TSHZ3: variants seen among roughly 807,000 people sequenced by gnomAD.
The protein encoded by TSHZ3 is teashirt homolog 3.
TSHZ3 carries 10 observed loss-of-function variants against 64.5 expected under a neutral mutation model. That is an observed-to-expected ratio of 0.16 (90% CI 0.10 to 0.26). The LOEUF (loss-of-function observed/expected upper bound fraction) is 0.26, where lower values mean the gene tolerates loss of function less well. TSHZ3 is among the 10% of genes least tolerant of loss of function. The probability of loss-of-function intolerance (pLI) is 1.00; values close to 1 mark genes in which losing one functional copy is unlikely to be tolerated. For synonymous variants in TSHZ3, 608 were observed against 593.1 expected, an observed-to-expected ratio of 1.03 and a Z score of -0.36; for missense variants, 1,242 against 1,421.7, an observed-to-expected ratio of 0.87 and a Z score of 2.03.
chr19:31,350,673 G>T (rs893001376), upstream of TSHZ3, among the ~76,000 whole-genome samples: 1 of 151,604 alleles, frequency 6.6e-6, no homozygotes, highest in South Asian at 2.1e-4. Context: ...CGGCAAGAAG[G>T]AGCTGGCTGG....
intron 1 of TSHZ3, among the ~76,000 whole-genome samples, chr19:31,315,714 G>C (rs41309439): frequency 6.6e-6 from 1 of 152,206 alleles, no homozygotes; most frequent in African/African-American, 2.4e-5. Flanking sequence ...GCAGTGCTCC[G>C]AGGCAATTTA....
chr19:31,232,552 T>G (rs1975554621), intron 3 of TSHZ3, among the ~76,000 whole-genome samples: 1 of 152,222 alleles, frequency 6.6e-6, no homozygotes, highest in Non-Finnish European at 1.5e-5. Context: ...ATCAACATTG[T>G]GCAGGTTTAG....
chr19:31,283,231 G>C (rs959375912), intron 1 of TSHZ3, among the ~76,000 whole-genome samples: 7 of 152,098 alleles, frequency 4.6e-5, no homozygotes, highest in African/African-American at 1.7e-4. Flanking sequence ...TTACTCCAGA[G>C]GCTGAGGCAG....
intron 1 of TSHZ3, among the ~76,000 whole-genome samples, chr19:31,260,877 AT>A (rs1975976106): frequency 6.6e-6 from 1 of 152,352 alleles, no homozygotes; most frequent in East Asian, 1.9e-4. Flanking sequence ...GTGAGAATCC[AT>A]TCACCACATG....
chr19:31,159,752 A>G (rs1324419360), intron 5 of TSHZ3, among the ~76,000 whole-genome samples: 3 of 152,032 alleles, frequency 2.0e-5, no homozygotes, highest in Non-Finnish European at 4.4e-5. Flanking sequence ...GAGTGCAACA[A>G]TACAATCATG....
At chr19:31,319,225 A>C (rs1274655556) in intron 1 of TSHZ3, among the ~76,000 whole-genome samples, 1 of 152,258 alleles carries the variant, frequency 6.6e-6, no homozygotes, top group East Asian at 1.9e-4. Flanking sequence ...CAGGCTATGA[A>C]TAGCACCTGC....
At chr19:31,245,591 C>T (rs1975749359) in intron 1 of TSHZ3, among the ~76,000 whole-genome samples, 1 of 152,340 alleles carries the variant, frequency 6.6e-6, no homozygotes, top group Admixed American at 6.5e-5. Flanking sequence ...CATCTGACAA[C>T]TGCACTATCA....
chr19:31,349,998 G>A (rs2021663010), upstream of TSHZ3, among the ~76,000 whole-genome samples: 1 of 147,294 alleles, frequency 6.8e-6, no homozygotes, highest in Admixed American at 6.7e-5. Context: ...ACACGCGGGG[G>A]CGCGGCGCCA....
At chr19:31,271,908 G>A (rs1332175535), downstream of TSHZ3, among the ~76,000 whole-genome samples, 3 of 152,094 alleles carry the variant, frequency 2.0e-5, no homozygotes, top group Non-Finnish European at 2.9e-5. Context: ...ATTAAAGAGC[G>A]GTGTTGGAGT....
chr19:31,286,689 G>A (rs1395897353), intron 1 of TSHZ3, among the ~76,000 whole-genome samples: 3 of 152,238 alleles, frequency 2.0e-5, no homozygotes, highest in South Asian at 2.1e-4. Context: ...CACACAGGAA[G>A]TGTGGGAGGG....
At chr19:31,201,555 A>C (rs1496635) in intron 5 of TSHZ3, among the ~76,000 whole-genome samples, 106,032 of 151,990 alleles carry the variant, frequency 0.7, 37,197 homozygotes, top group African/African-American at 0.77. Flanking sequence ...AAGCCACACT[A>C]CAAAGAAGCA....
chr19:31,225,171 A>G (rs1391113547), intron 4 of TSHZ3, among the ~76,000 whole-genome samples: 1 of 152,218 alleles, frequency 6.6e-6, no homozygotes, highest in Non-Finnish European at 1.5e-5. Context: ...AAGTGAGGCC[A>G]TGTTACTTCA....
At chr19:31,179,462 C>A (rs1176644320) in intron 5 of TSHZ3, among the ~76,000 whole-genome samples, 1 of 152,204 alleles carries the variant, frequency 6.6e-6, no homozygotes, top group Non-Finnish European at 1.5e-5. Flanking sequence ...ATGAAGTCCA[C>A]ATTGGTCAGC....
At chr19:31,251,292 G>A (rs1416110044) in intron 1 of TSHZ3, among the ~76,000 whole-genome samples, 1 of 152,144 alleles carries the variant, frequency 6.6e-6, no homozygotes, top group Non-Finnish European at 1.5e-5. Flanking sequence ...TTCAGAGCAT[G>A]CTTTAGCCCC....
chr19:31,335,747 C>T (rs916673557), intron 1 of TSHZ3, among the ~76,000 whole-genome samples: 2 of 152,226 alleles, frequency 1.3e-5, no homozygotes, highest in African/African-American at 2.4e-5. Flanking sequence ...TACCAGCAGG[C>T]CTGGCAGGTG....
intron 3 of TSHZ3, among the ~76,000 whole-genome samples, chr19:31,241,854 C>A (rs1420785943): frequency 6.6e-6 from 1 of 152,202 alleles, no homozygotes; most frequent in Admixed American, 6.5e-5. Context: ...AGTTGTCATA[C>A]GTTGTGTCTA....
rs1599639556 is a variant in TSHZ3, at chr19:31,308,670, C to T, written c.41-28918G>A. 4.3e-5 allele frequency: 17 copies of T among 398,494 alleles called. No individual in the cohort carries two copies. In the East Asian group the frequency reaches 6.1e-4, roughly 14 times the overall value. 24.7% of individuals were successfully genotyped at this position (398,494 alleles called of 1,614,324 possible). A position where few individuals can be genotyped will look rare whatever the true frequency, so the allele number is the denominator to read the frequency against. On this transcript the variant is annotated intron_variant, in intron 1 of 1. Transcript: ENST00000240587. ...AGACTAGGGCAGCACGTTCTCCACC[C>T]ACCACGTGCTGAGAACCTCCACCCA...
At chr19:31,195,460 G>T (rs1378693133) in intron 5 of TSHZ3, 2 of 152,028 alleles carry the variant, frequency 1.3e-5, no homozygotes, top group East Asian at 1.9e-4. Flanking sequence ...AGTGTTAAGA[G>T]AAAAAGAAAC....
chr19:31,304,541 T>C (rs1349616848), intron 1 of TSHZ3, among the ~76,000 whole-genome samples: 3 of 152,166 alleles, frequency 2.0e-5, no homozygotes, highest in Admixed American at 2.0e-4. Context: ...TTTTAAAATA[T>C]CAAAACCTGA....
Sources: allele counts gnomAD v4.1 joint callset (sites outside exome capture counted in the v4.1 genomes callset), GRCh38; gene constraint gnomAD v4.1.1; transcripts MANE v1.5; gene names NCBI Gene and HGNC (gene_info 2026-07-23, HGNC 2026-07-21).